JAZF1: variants seen among roughly 807,000 people sequenced by gnomAD.
JAZF1 encodes JAZF zinc finger 1, also known as juxtaposed with another zinc finger protein 1.
In JAZF1, 8 loss-of-function variants were observed where a neutral mutation model predicts 26.4. The ratio of observed to expected loss-of-function variants is 0.30; its 90% CI spans 0.18 to 0.55. The LOEUF (loss-of-function observed/expected upper bound fraction) is 0.55, where lower values mean the gene tolerates loss of function less well. JAZF1 is among the 20% of genes least tolerant of loss of function. JAZF1 has a pLI of 0.94. For synonymous variants in JAZF1, 126 were observed against 122.3 expected, an observed-to-expected ratio of 1.03 and a Z score of -0.20; for missense variants, 199 against 322.0, an observed-to-expected ratio of 0.62 and a Z score of 2.92.
intron 2 of JAZF1, among the ~76,000 whole-genome samples, chr7:27,904,154 C>T (rs1346991732): frequency 6.6e-6 from 1 of 152,170 alleles, no homozygotes; most frequent in African/African-American, 2.4e-5. Context: ...GTAAGCAAAA[C>T]AGTGCATGGC....
chr7:28,133,796 C>T (rs1782838081), intron 1 of JAZF1, among the ~76,000 whole-genome samples: 1 of 152,178 alleles, frequency 6.6e-6, no homozygotes, highest in Non-Finnish European at 1.5e-5. Flanking sequence ...GCTGCTTCCT[C>T]TGAGAAACAG....
chr7:27,943,415 C>T (rs1283290681), intron 2 of JAZF1, among the ~76,000 whole-genome samples: 1 of 152,134 alleles, frequency 6.6e-6, no homozygotes, highest in East Asian at 1.9e-4. Context: ...CACTGGATGG[C>T]TAATGAGGCC....
chr7:28,090,817 G>GGT, intron 1 of JAZF1, among the ~76,000 whole-genome samples: 1 of 101,798 alleles, frequency 9.8e-6, no homozygotes, highest in African/African-American at 3.9e-5. Flanking sequence ...TTTTTTAGTT[G>GGT]TTTTTTTTTT....
chr7:27,843,635 T>A (rs6972506), intron 3 of JAZF1: 1 of 152,234 alleles, frequency 6.6e-6, no homozygotes, highest in Non-Finnish European at 1.5e-5. Context: ...ACAGGCCCCA[T>A]CTGCTTTAAG....
chr7:28,148,721 T>C (rs1355922956), intron 1 of JAZF1, among the ~76,000 whole-genome samples: 2 of 152,198 alleles, frequency 1.3e-5, no homozygotes, highest in Non-Finnish European at 2.9e-5. Context: ...TCTTTTTTAA[T>C]GAAATAAATT....
intron 2 of JAZF1, among the ~76,000 whole-genome samples, chr7:27,940,002 C>T (rs1784818591): frequency 6.6e-6 from 1 of 152,134 alleles, no homozygotes; most frequent in Non-Finnish European, 1.5e-5. Context: ...AGGACTGAGG[C>T]AGGCAGCAGG....
At chr7:27,908,805 T>C (rs1784307175) in intron 2 of JAZF1, among the ~76,000 whole-genome samples, 2 of 152,246 alleles carry the variant, frequency 1.3e-5, no homozygotes, top group Non-Finnish European at 1.5e-5. Context: ...ACTCAGCTCA[T>C]TGGAACACAC....
intron 1 of JAZF1, among the ~76,000 whole-genome samples, chr7:28,128,499 G>A (rs949684448): frequency 6.6e-6 from 1 of 152,106 alleles, no homozygotes; most frequent in Non-Finnish European, 1.5e-5. Context: ...TCCAGCCTGG[G>A]CAACAGAGTC....
intron 4 of JAZF1, among the ~76,000 whole-genome samples, chr7:27,835,209 C>T (rs931912012): frequency 1.3e-5 from 2 of 152,088 alleles, no homozygotes; most frequent in African/African-American, 4.8e-5. Context: ...AAAGCATTAA[C>T]CAAGAAACAA....
chr7:27,866,272 T>C (rs544902167), intron 3 of JAZF1, among the ~76,000 whole-genome samples: 1 of 152,322 alleles, frequency 6.6e-6, no homozygotes, highest in South Asian at 2.1e-4. Context: ...TAGGCCAGAT[T>C]GCAATGTGCA....
At chr7:27,932,193 C>T (rs1287792114) in intron 2 of JAZF1, among the ~76,000 whole-genome samples, 1 of 152,180 alleles carries the variant, frequency 6.6e-6, no homozygotes, top group Non-Finnish European at 1.5e-5. Flanking sequence ...TTGGGAAGGT[C>T]ATCTGGAGTT....
chr7:28,090,975 C>T (rs970371277), intron 1 of JAZF1, among the ~76,000 whole-genome samples: 17 of 150,680 alleles, frequency 1.1e-4, no homozygotes, highest in African/African-American at 2.9e-4. Flanking sequence ...TACAGGCGCC[C>T]GCCACCGCGC....
At chr7:27,992,033 T>C (rs778051978) in intron 1 of JAZF1, 52 bp from the exon 2 acceptor site, 2 of 1,032,924 alleles carry the variant, frequency 1.9e-6, no homozygotes, top group Non-Finnish European at 3.1e-6. Flanking sequence ...TCAGAATATA[T>C]GAGGCTACCT....
At chr7:27,880,496 G>T (rs139977249) in intron 3 of JAZF1, among the ~76,000 whole-genome samples, 2 of 151,596 alleles carry the variant, frequency 1.3e-5, no homozygotes, top group Admixed American at 6.6e-5. Flanking sequence ...AGCCAGGCGC[G>T]GTGGCGGGTG....
intron 3 of JAZF1, among the ~76,000 whole-genome samples, chr7:27,884,547 C>T (rs1282027102): frequency 6.6e-6 from 1 of 152,240 alleles, no homozygotes; most frequent in Non-Finnish European, 1.5e-5. Context: ...TCCTCACATA[C>T]TCAAGTTAAC....
intron 1 of JAZF1, among the ~76,000 whole-genome samples, chr7:28,090,097 C>T (rs930146996): frequency 6.6e-6 from 1 of 152,184 alleles, no homozygotes; most frequent in Non-Finnish European, 1.5e-5. Flanking sequence ...GGCTTCAATC[C>T]CAATATCCAC....
intron 1 of JAZF1, among the ~76,000 whole-genome samples, chr7:28,051,325 A>G (rs1305912785): frequency 1.3e-5 from 2 of 151,372 alleles, no homozygotes; most frequent in Non-Finnish European, 2.9e-5. Context: ...CTGGGTTCAC[A>G]TGATCTGTCT....
rs142292685 is a variant in JAZF1 at position 28,002,998 on chromosome 7, G to A, written c.116-11017C>T. ...GAGTCTGGATCCCTGATTGGGTGAA[G>A]CTCTATACTACTCTTGAACTGAGCA... On this transcript the variant is annotated intron_variant, in intron 1 of 4. Coordinates refer to ENST00000283928, the MANE Select transcript of JAZF1 (RefSeq NM_175061.4). Among the ~76,000 whole-genome samples, 629 of 152,186 alleles carry A rather than the reference G, an allele frequency of 4.1e-3. 10 individuals are homozygous for A. Among genetic ancestry groups the A allele is most frequent in the African/African-American group, 0.014 (601 of 41,526 alleles).
In JAZF1 at chr7:27,831,209, A is replaced by AACTT. The variant is rs370630294; in HGVS notation, c.*1587_*1590dup. The AACTT allele has an allele frequency of 2.7e-3, 606 of 223,822 alleles. 8 individuals are homozygous for AACTT. The highest frequency in any genetic ancestry group is 0.013 in the African/African-American group (565 of 44,974). The allele number at this position is 223,822 out of a possible 1,614,324, so 13.9% of individuals were successfully genotyped here. On this transcript the variant is annotated 3_prime_UTR_variant, in exon 5 of 5. Transcript: ENST00000283928. ...AATCCCTCATAATGAAGGATTTTAGAACTTATGAATATAGAGGTTTACTCA... is the reference window on the plus strand; with the variant it reads ...AATCCCTCATAATGAAGGATTTTAGAACTTACTTATGAATATAGAGGTTTACTCA...
Sources: gnomAD v4.1 joint callset for allele counts (sites outside exome capture counted in the v4.1 genomes callset) on GRCh38, gnomAD v4.1.1 for gene constraint, MANE v1.5 for transcripts, NCBI Gene and HGNC (gene_info 2026-07-23, HGNC 2026-07-21) for gene names.